Variants in MPP7 observed in about 807,000 individuals in gnomAD.
The protein encoded by MPP7 is MAGUK p55 scaffold protein 7, also known as MAGUK p55 subfamily member 7.
Under a neutral mutation model 76.5 loss-of-function variants are expected in MPP7, and 60 were observed. The ratio of observed to expected loss-of-function variants is 0.78; its 90% CI spans 0.64 to 0.97. The LOEUF is 0.97. MPP7 is among the 50% of genes least tolerant of loss of function. MPP7 has a pLI of 0.00. For missense variants in MPP7, 641 were observed against 694.0 expected (o/e 0.92, Z 0.86); for synonymous variants, 237 against 244.5 (o/e 0.97, Z 0.29).
intron 3 of MPP7, among the ~76,000 whole-genome samples, chr10:28,194,843 C>A: frequency 6.6e-6 from 1 of 152,100 alleles, no homozygotes; most frequent in African/African-American, 2.4e-5. Context: ...AAAGAATAAA[C>A]CTTAATGTAG....
intron 2 of MPP7, among the ~76,000 whole-genome samples, chr10:28,232,016 G>A (rs1300184628): frequency 1.3e-5 from 2 of 152,132 alleles, no homozygotes; most frequent in Admixed American, 1.3e-4. Context: ...AGTAAATTAT[G>A]ACCAAATTGG....
In MPP7 at chr10:28,054,004, A is replaced by G. The variant is rs1193546871; in HGVS notation, c.*61T>C. The G allele has an allele frequency of 7.6e-7, 1 of 1,308,800 alleles. No homozygotes were observed. The highest frequency in any genetic ancestry group is 2.3e-5 in the East Asian group (1 of 43,488). The allele number at this position is 1,308,800 out of a possible 1,614,324, so 81.1% of individuals were successfully genotyped here. A position where few individuals can be genotyped will look rare whatever the true frequency, so the allele number is the denominator to read the frequency against. ...ATAGATTTAAAAACCCTACTACCAA[A>G]ACTGTAATTGATTTCATCATGCACT... is the stretch of plus-strand genomic sequence containing the variant. On this transcript the variant is annotated 3_prime_UTR_variant, in exon 17 of 17. Transcript: ENST00000683449.
chr10:28,268,834 G>C (rs1840230071), intron 1 of MPP7, among the ~76,000 whole-genome samples: 1 of 151,654 alleles, frequency 6.6e-6, no homozygotes, highest in Non-Finnish European at 1.5e-5. Context: ...CAGGAGAATG[G>C]CATGAACCCA....
At chr10:28,289,745 A>C (rs1300855874) in intron 1 of MPP7, among the ~76,000 whole-genome samples, 2 of 152,184 alleles carry the variant, frequency 1.3e-5, no homozygotes, top group Non-Finnish European at 2.9e-5. Context: ...CAGGGGCAAG[A>C]GCAGAGAAGT....
At chr10:28,199,369 C>T (rs1475686184) in intron 3 of MPP7, among the ~76,000 whole-genome samples, 1 of 152,076 alleles carries the variant, frequency 6.6e-6, no homozygotes, top group African/African-American at 2.4e-5. Context: ...TATTATTCTT[C>T]GTTTCTATTT....
chr10:28,069,840 ACTC>A lies in MPP7; in HGVS notation c.1133_1135del (p.Gly378del). ...CTTTCGTTTCAGTTCATTCAGCCCT[ACTC>A]CCACGGGACCTGAAAAACAGGGTAA... On this transcript the variant is annotated inframe_deletion, in exon 13 of 17. Coordinates refer to ENST00000683449, the MANE Select transcript of MPP7 (RefSeq NM_001318170.2). 6.2e-7 allele frequency: 1 copy of A among 1,613,692 alleles called. No individual in the cohort carries two copies. The highest frequency in any genetic ancestry group is 8.5e-7 in the Non-Finnish European group (1 of 1,179,856).
At chr10:28,058,227 C>T (rs1851640707) in intron 15 of MPP7, among the ~76,000 whole-genome samples, 1 of 152,170 alleles carries the variant, frequency 6.6e-6, no homozygotes, top group Non-Finnish European at 1.5e-5. Context: ...CTAAGAGTTG[C>T]TTTACTTGAC....
intron 11 of MPP7, among the ~76,000 whole-genome samples, chr10:28,092,740 A>ATTTTTTTT (rs536385197): frequency 0.011 from 1,159 of 105,474 alleles, 94 homozygotes; most frequent in African/African-American, 0.038. Context: ...ACCTGGCTCA[A>ATTTTTTTT]TTTTTTTTTT....
At position 28,120,199 on chromosome 10, in the gene MPP7, C is replaced by G. The variant is rs770551878; in HGVS notation, c.882G>C (p.Gln294His). The change falls in exon 10 of 17, where the codon CAG becomes CAC. Residue 294 changes from glutamine (Q) to histidine (H), a missense_variant. Coordinates refer to ENST00000683449, the MANE Select transcript of MPP7 (RefSeq NM_001318170.2). ...ATTATGTACCAGCAGCTCACCTTTCCTGGAAATGCTTTGAGGGGATCAAGC... is the reference window on the plus strand; with the variant it reads ...ATTATGTACCAGCAGCTCACCTTTCGTGGAAATGCTTTGAGGGGATCAAGC... ...RAGLIPSKHF[Q>H]ERRLALRRPE... is the part of the protein sequence containing the mutation. 1 of 1,612,508 alleles carries G rather than the reference C, an allele frequency of 6.2e-7. No individual in the cohort carries two copies. Among genetic ancestry groups the G allele is most frequent in the South Asian group, 1.1e-5 (1 of 90,808 alleles).
intron 4 of MPP7, among the ~76,000 whole-genome samples, chr10:28,148,520 G>A (rs2133766975): frequency 6.6e-6 from 1 of 152,062 alleles, no homozygotes; most frequent in Non-Finnish European, 1.5e-5. Flanking sequence ...TCTGGAAAAG[G>A]AATTTTCTCT....
chr10:28,235,281 T>C (rs961329168), intron 2 of MPP7, among the ~76,000 whole-genome samples: 6 of 152,304 alleles, frequency 3.9e-5, no homozygotes, highest in South Asian at 4.1e-4. Flanking sequence ...TGTATCAATA[T>C]CATTTCTCCA....
chr10:28,310,002 C>CTTTT (rs770667750), intron 2 of MPP7, among the ~76,000 whole-genome samples: 121 of 111,306 alleles, frequency 1.1e-3, no homozygotes, highest in East Asian at 2.6e-3. Context: ...CCAATTAAAC[C>CTTTT]TTTTTTTTTT....
intron 2 of MPP7, among the ~76,000 whole-genome samples, chr10:28,328,013 A>G (rs1478216851): frequency 2.0e-5 from 3 of 152,198 alleles, no homozygotes; most frequent in African/African-American, 7.2e-5. Flanking sequence ...CCAATCAGCA[A>G]AGACGTTTTT....
chr10:28,108,989 A>T (rs1564634388), intron 11 of MPP7, among the ~76,000 whole-genome samples: 1 of 152,046 alleles, frequency 6.6e-6, no homozygotes, highest in African/African-American at 2.4e-5. Context: ...AGTCATAAAA[A>T]AGCATAAACA....
chr10:28,155,321 G>A (rs934485236), intron 3 of MPP7, among the ~76,000 whole-genome samples: 4 of 152,104 alleles, frequency 2.6e-5, no homozygotes, highest in African/African-American at 7.2e-5. Context: ...CAAGTGCGGT[G>A]GCTCACACCG....
At chr10:28,315,512 C>T (rs1834312793) in intron 2 of MPP7, among the ~76,000 whole-genome samples, 1 of 152,142 alleles carries the variant, frequency 6.6e-6, no homozygotes, top group South Asian at 2.1e-4. Context: ...CACTCATCCT[C>T]CCACTTCCCT....
At chr10:28,255,315 T>C (rs544890414) in intron 1 of MPP7, among the ~76,000 whole-genome samples, 416 of 152,170 alleles carry the variant, frequency 2.7e-3, no homozygotes, top group Non-Finnish European at 4.6e-3. Flanking sequence ...GGTTTCACCA[T>C]GTTGGCTAGG....
intron 11 of MPP7, among the ~76,000 whole-genome samples, chr10:28,113,111 T>C (rs1458810641): frequency 6.6e-6 from 1 of 152,138 alleles, no homozygotes; most frequent in African/African-American, 2.4e-5. Context: ...GACCATGCAA[T>C]TATGCTGCAG....
At chr10:28,265,769 T>C (rs572873726) in intron 1 of MPP7, among the ~76,000 whole-genome samples, 17 of 152,322 alleles carry the variant, frequency 1.1e-4, no homozygotes, top group African/African-American at 4.1e-4. Context: ...GTGCTTTCTT[T>C]TAATGAAATC....
Sources: allele counts gnomAD v4.1 joint callset (sites outside exome capture counted in the v4.1 genomes callset), GRCh38; gene constraint gnomAD v4.1.1; transcripts MANE v1.5; gene names NCBI Gene and HGNC (gene_info 2026-07-23, HGNC 2026-07-21).